The following LRRTM3 variants were observed in gnomAD, a reference collection of about 807,000 sequenced individuals.
LRRTM3 encodes leucine rich repeat transmembrane neuronal 3.
A neutral mutation model predicts 44.7 loss-of-function variants in LRRTM3; 24 were observed. The ratio of observed to expected loss-of-function variants is 0.54; its 90% CI spans 0.39 to 0.76. The LOEUF is 0.76. Among genes scored for constraint, LRRTM3 ranks in the 30% least tolerant of loss-of-function variants. LRRTM3 has a pLI of 0.00. For missense variants in LRRTM3, 587 were observed against 702.2 expected, an observed-to-expected ratio of 0.84 and a Z score of 1.85; for synonymous variants, 277 against 278.7, an observed-to-expected ratio of 0.99 and a Z score of 0.06.
In LRRTM3 at chr10:67,097,881, A is replaced by AAAAAC; in HGVS notation, c.*97_*101dup. 2 of 1,218,666 alleles carry AAAAAC rather than the reference A, an allele frequency of 1.6e-6. No homozygotes were observed. Among genetic ancestry groups the AAAAAC allele is most frequent in the Non-Finnish European group, 2.4e-6 (2 of 846,422 alleles). The allele number at this position is 1,218,666 out of a possible 1,614,324, so 75.5% of individuals were successfully genotyped here. A position where few individuals can be genotyped will look rare whatever the true frequency, so the allele number is the denominator to read the frequency against. ...GGAAGATGTGTTCATTGTGGACTCT[A>AAAAAC]AAAACAAAACAAAACACAAAATCCC... On this transcript the variant is annotated 3_prime_UTR_variant, in exon 3 of 3. Transcript: ENST00000361320.
chr10:67,085,988 T>C (rs1183960122), intron 2 of LRRTM3, among the ~76,000 whole-genome samples: 2 of 152,002 alleles, frequency 1.3e-5, no homozygotes, highest in African/African-American at 4.8e-5. Flanking sequence ...CTACACATAA[T>C]TCCACCCTAG....
chr10:66,972,295 A>G (rs1849763659), intron 2 of LRRTM3, among the ~76,000 whole-genome samples: 1 of 152,120 alleles, frequency 6.6e-6, no homozygotes, highest in Non-Finnish European at 1.5e-5. Context: ...AATCAGCTCA[A>G]AATTTATTAT....
At chr10:66,933,209 C>T (rs1361646874) in intron 2 of LRRTM3, among the ~76,000 whole-genome samples, 1 of 152,244 alleles carries the variant, frequency 6.6e-6, no homozygotes, top group Non-Finnish European at 1.5e-5. Context: ...CATTTTACAT[C>T]ATTAGAAGTC....
intron 2 of LRRTM3, among the ~76,000 whole-genome samples, chr10:66,941,735 G>A (rs941010790): frequency 2.0e-5 from 3 of 152,288 alleles, no homozygotes; most frequent in South Asian, 2.1e-4. Context: ...AATTCAAGCC[G>A]CGTGAGCTGA....
chr10:67,039,641 G>A (rs926252731), intron 2 of LRRTM3, among the ~76,000 whole-genome samples: 8 of 151,960 alleles, frequency 5.3e-5, no homozygotes, highest in South Asian at 2.1e-4. Context: ...TTAGTAAAGG[G>A]ACCAGAAAAA....
chr10:67,007,759 T>A (rs796666448), intron 2 of LRRTM3, among the ~76,000 whole-genome samples: 2 of 151,804 alleles, frequency 1.3e-5, no homozygotes, highest in South Asian at 4.1e-4. Context: ...TTAATAAAAA[T>A]AGTATTTTTA....
chr10:67,057,977 A>C (rs1451247647), intron 2 of LRRTM3, among the ~76,000 whole-genome samples: 1 of 152,178 alleles, frequency 6.6e-6, no homozygotes, highest in Non-Finnish European at 1.5e-5. Flanking sequence ...AATGATAGGC[A>C]ATCAGCAGGA....
intron 2 of LRRTM3, among the ~76,000 whole-genome samples, chr10:66,995,321 G>T (rs909024517): frequency 1.3e-5 from 2 of 151,998 alleles, no homozygotes; most frequent in African/African-American, 4.8e-5. Context: ...CAAGTCCTGG[G>T]AATTACACAG....
intron 2 of LRRTM3, among the ~76,000 whole-genome samples, chr10:66,933,716 G>A (rs1021286795): frequency 6.6e-6 from 1 of 151,906 alleles, no homozygotes; most frequent in African/African-American, 2.4e-5. Flanking sequence ...AAAAATCACT[G>A]GATAAAAAGG....
rs1359053052 is a variant in LRRTM3 at position 67,098,961 on chromosome 10, A to G, written c.*1165A>G. 3 of 151,910 alleles carry G rather than the reference A, an allele frequency of 2.0e-5. No homozygotes were observed. The allele number at this position is 151,910 out of a possible 1,614,324, so 9.4% of individuals were successfully genotyped here. A position where few individuals can be genotyped will look rare whatever the true frequency, so the allele number is the denominator to read the frequency against. On this transcript the variant is annotated 3_prime_UTR_variant, in exon 3 of 3. Transcript: ENST00000361320. ...ATGAATTTGTTTTGCGTTGTGCACT[A>G]CATCATTTCTCTCCTGAGGAAGAAT...
chr10:66,957,415 CATAT>C, intron 2 of LRRTM3, among the ~76,000 whole-genome samples: 1 of 32,530 alleles, frequency 3.1e-5, no homozygotes, highest in East Asian at 6.9e-4. Flanking sequence ...TATATATATG[CATAT>C]ATATATATGC....
chr10:67,087,170 T>C (rs1319710627), intron 2 of LRRTM3, among the ~76,000 whole-genome samples: 1 of 151,988 alleles, frequency 6.6e-6, no homozygotes, highest in Non-Finnish European at 1.5e-5. Flanking sequence ...TGAACACACT[T>C]TGGGGCATTT....
intron 2 of LRRTM3, among the ~76,000 whole-genome samples, chr10:66,954,743 T>C (rs898716334): frequency 6.6e-6 from 1 of 152,164 alleles, no homozygotes; most frequent in Non-Finnish European, 1.5e-5. Flanking sequence ...GGTATACCCT[T>C]CCTTGGCGGA....
intron 2 of LRRTM3, among the ~76,000 whole-genome samples, chr10:67,079,104 A>C (rs1856898806): frequency 6.6e-6 from 1 of 152,162 alleles, no homozygotes; most frequent in African/African-American, 2.4e-5. Context: ...ACCAGGAATA[A>C]TCCATATTTA....
intron 2 of LRRTM3, among the ~76,000 whole-genome samples, chr10:67,046,034 G>T (rs1854722232): frequency 6.6e-6 from 1 of 152,106 alleles, no homozygotes; most frequent in South Asian, 2.1e-4. Context: ...AAATAAAAGT[G>T]AAAAAGAAAT....
At chr10:66,996,649 C>CAAAAAAAAAAAAA (rs57025097) in intron 2 of LRRTM3, among the ~76,000 whole-genome samples, 1,888 of 67,642 alleles carry the variant, frequency 0.028, 396 homozygotes, top group East Asian at 0.15. Flanking sequence ...TCCGTCTCTA[C>CAAAAAAAAAAAAA]AAAAAAAAAA....
chr10:67,040,987 C>T (rs1342376588), intron 2 of LRRTM3, among the ~76,000 whole-genome samples: 1 of 151,704 alleles, frequency 6.6e-6, no homozygotes, highest in Non-Finnish European at 1.5e-5. Context: ...GCATTTTATA[C>T]TTTTTTTTAG....
chr10:67,092,220 T>C (rs1233418215), intron 2 of LRRTM3, among the ~76,000 whole-genome samples: 1 of 151,882 alleles, frequency 6.6e-6, no homozygotes, highest in Non-Finnish European at 1.5e-5. Flanking sequence ...GTTAGAAAAC[T>C]TACTAGATAA....
chr10:67,015,196 A>G (rs1275030827), intron 2 of LRRTM3: 1 of 152,148 alleles, frequency 6.6e-6, no homozygotes, highest in African/African-American at 2.4e-5. Flanking sequence ...ATTTTCATTA[A>G]CATGCTTTCA....
Sources: allele counts gnomAD v4.1 joint callset (sites outside exome capture counted in the v4.1 genomes callset), GRCh38; gene constraint gnomAD v4.1.1; transcripts MANE v1.5; gene names NCBI Gene and HGNC (gene_info 2026-07-23, HGNC 2026-07-21).